Variants in CDC42BPA observed in about 807,000 individuals in gnomAD.
CDC42BPA encodes the protein serine/threonine-protein kinase MRCK alpha.
CDC42BPA carries 80 observed loss-of-function variants against 223.5 expected under a neutral mutation model. The observed-to-expected ratio is 0.36, with a 90% CI of 0.30 to 0.43. CDC42BPA has a LOEUF of 0.43. Ranked by LOEUF, CDC42BPA falls within the 20% of genes least tolerant of loss-of-function variation. CDC42BPA has a pLI of 1.00. For synonymous variants in CDC42BPA, 694 were observed against 718.6 expected, an observed-to-expected ratio of 0.97 and a Z score of 0.55; for missense variants, 1,743 against 2,099.9, an observed-to-expected ratio of 0.83 and a Z score of 3.32.
chr1:227,029,430 G>A (rs560045528), intron 29 of CDC42BPA, among the ~76,000 whole-genome samples, 180 bp from the exon 30 acceptor site: 4 of 152,252 alleles, frequency 2.6e-5, no homozygotes, highest in South Asian at 2.1e-4. Flanking sequence ...CCTATAGTAC[G>A]TATTAAATTT....
rs1250820541 is a variant in CDC42BPA, at chr1:227,073,880, T to C, written c.2719A>G (p.Asn907Asp). 6.3e-7 allele frequency: 1 copy of C among 1,599,534 alleles called. No individual in the cohort carries two copies. The part of the protein sequence containing the change: ...QEELNKVKAS[N>D]IITECKLKDS... ...CAATCTTACCATTCTGTTATGATATTAGATGCTTTAACTTTATTCAACTCT... is the reference window on the plus strand; with the variant it reads ...CAATCTTACCATTCTGTTATGATATCAGATGCTTTAACTTTATTCAACTCT... The change falls in exon 19 of 37, where the codon AAT becomes GAT. Residue 907 changes from asparagine (N) to aspartate (D), a missense_variant. By Grantham distance (23) the Asn-to-Asp change is conservative (BLOSUM62 1). This residue lies in a region of CDC42BPA where 678 missense variants were observed against 777.5 expected (regional missense o/e 0.87). Coordinates refer to ENST00000366766, the MANE Select transcript of CDC42BPA (RefSeq NM_001394014.1).
chr1:227,028,229 A>G (rs1435369317), intron 30 of CDC42BPA, among the ~76,000 whole-genome samples: 1 of 152,228 alleles, frequency 6.6e-6, no homozygotes, highest in Non-Finnish European at 1.5e-5. Flanking sequence ...GGAAAACTGA[A>G]AAAACACCTC....
chr1:227,171,532 A>C (rs996782164), intron 5 of CDC42BPA, among the ~76,000 whole-genome samples: 2 of 152,050 alleles, frequency 1.3e-5, no homozygotes, highest in African/African-American at 4.8e-5. Flanking sequence ...TCAGAGGATC[A>C]CCTGTGCCCA....
At chr1:227,302,487 A>T (rs66523880) in intron 1 of CDC42BPA, among the ~76,000 whole-genome samples, 1 of 151,898 alleles carries the variant, frequency 6.6e-6, no homozygotes, top group Admixed American at 6.6e-5. Flanking sequence ...AAGGCCAAAG[A>T]GTTTCTGATT....
intron 4 of CDC42BPA, among the ~76,000 whole-genome samples, chr1:227,194,202 CATT>C (rs1670281052): frequency 6.6e-6 from 1 of 152,136 alleles, no homozygotes; most frequent in Non-Finnish European, 1.5e-5. Flanking sequence ...CTAATATCAT[CATT>C]ATTATCATCT....
intron 3 of CDC42BPA, among the ~76,000 whole-genome samples, chr1:227,203,871 A>C (rs1422150465): frequency 6.6e-6 from 1 of 152,212 alleles, no homozygotes; most frequent in Admixed American, 6.5e-5. Flanking sequence ...TACATACATA[A>C]ATGGTAATTC....
rs760218770 is a variant in CDC42BPA at position 227,157,652 on chromosome 1, AT to A, written c.693+2890del. Among the ~76,000 whole-genome samples the A allele has an allele frequency of 2.0e-3, 306 of 151,086 alleles. 3 individuals carry two copies. Among genetic ancestry groups the A allele is most frequent in the African/African-American group, 7.2e-3 (298 of 41,234 alleles). On this transcript the variant is annotated intron_variant, in intron 6 of 36. Transcript: ENST00000366766. Reference sequence around the variant, plus strand: ...GGGAAGGTTGAGCCATTACGTACACATTTTTTTTTCCCCACATCTCACTCTC... The same window carrying A: ...GGGAAGGTTGAGCCATTACGTACACATTTTTTTTCCCCACATCTCACTCTC...
intron 1 of CDC42BPA, among the ~76,000 whole-genome samples, chr1:227,281,034 G>C (rs1687935480): frequency 6.6e-6 from 1 of 152,130 alleles, no homozygotes; most frequent in Non-Finnish European, 1.5e-5. Context: ...ACTGCACCAA[G>C]TCAGCTGTCT....
chr1:227,298,390 T>C (rs1691080862), intron 1 of CDC42BPA, among the ~76,000 whole-genome samples: 1 of 152,156 alleles, frequency 6.6e-6, no homozygotes, highest in Non-Finnish European at 1.5e-5. Context: ...GGTAAATAGT[T>C]TCTTTTACTT....
chr1:227,287,703 T>C (rs1572875204), intron 1 of CDC42BPA, among the ~76,000 whole-genome samples: 1 of 152,160 alleles, frequency 6.6e-6, no homozygotes, highest in South Asian at 2.1e-4. Flanking sequence ...GTGCCCAGGG[T>C]TTTTAATTGA....
chr1:227,067,608 C>T (rs1438198396), intron 21 of CDC42BPA, among the ~76,000 whole-genome samples: 2 of 151,986 alleles, frequency 1.3e-5, no homozygotes, highest in African/African-American at 4.8e-5. Context: ...TAGAGTTAAC[C>T]AGAGTAATTA....
chr1:227,105,783 C>A (rs1182100103), intron 14 of CDC42BPA, among the ~76,000 whole-genome samples: 2 of 152,156 alleles, frequency 1.3e-5, no homozygotes, highest in African/African-American at 2.4e-5. Flanking sequence ...TGACTTCATT[C>A]CTTTTCATAG....
chr1:227,098,672 A>G (rs1176877913), intron 15 of CDC42BPA, among the ~76,000 whole-genome samples: 1 of 151,822 alleles, frequency 6.6e-6, no homozygotes, highest in Non-Finnish European at 1.5e-5. Context: ...TTACCTTTAA[A>G]GATCATTAAA....
chr1:227,259,151 G>A (rs1156707497), intron 1 of CDC42BPA, among the ~76,000 whole-genome samples: 1 of 150,816 alleles, frequency 6.6e-6, no homozygotes, highest in Non-Finnish European at 1.5e-5. Flanking sequence ...CCCTTTTTCT[G>A]AAAATCTCCC....
At chr1:227,136,538 A>G (rs994120507) in intron 10 of CDC42BPA, among the ~76,000 whole-genome samples, 11 of 152,258 alleles carry the variant, frequency 7.2e-5, no homozygotes, top group African/African-American at 2.7e-4. Context: ...CAAAAGCTCA[A>G]TGAATCTCAA....
intron 12 of CDC42BPA, among the ~76,000 whole-genome samples, chr1:227,117,808 A>G (rs910001818): frequency 6.6e-6 from 1 of 152,130 alleles, no homozygotes; most frequent in African/African-American, 2.4e-5. Flanking sequence ...ACCTAAGAAC[A>G]CTTTTTAATA....
rs1462751091 is a variant in CDC42BPA at position 227,312,112 on chromosome 1, C to G, written c.178+4893G>C. Among the ~76,000 whole-genome samples, 5 of 152,294 alleles carry G rather than the reference C, an allele frequency of 3.3e-5. No individual in the cohort carries two copies. The East Asian group carries it at 9.6e-4, about 29-fold the overall frequency. ...AATGTTTTGCACAACAATACTTATT[C>G]CTTCTATATTTGATGTACTTTATAT... On this transcript the variant is annotated intron_variant, in intron 1 of 36. Transcript: ENST00000366766.
Position 227,080,907 on chromosome 1 carries a change from T to C in CDC42BPA, c.2466A>G (p.Thr822=). The C allele has an allele frequency of 6.2e-7, 1 of 1,613,728 alleles. No homozygotes were observed. Among genetic ancestry groups the C allele is most frequent in the Non-Finnish European group, 8.5e-7 (1 of 1,179,854 alleles). ...AGAGCACTCACCACTGAATTATTTCTGTGATTTGGGCTTCCCAATGTGCAA... is the reference window on the plus strand; with the variant it reads ...AGAGCACTCACCACTGAATTATTTCCGTGATTTGGGCTTCCCAATGTGCAA... The part of the protein sequence containing the change: ...ESVAHWEAQI[T]EIIQWVSDEK... Residue 822 remains threonine (T), a synonymous_variant, in exon 17 of 37, where the codon ACA becomes ACG. Transcript: ENST00000366766.
intron 5 of CDC42BPA, among the ~76,000 whole-genome samples, chr1:227,173,313 G>T (rs1666410709): frequency 6.6e-6 from 1 of 152,150 alleles, no homozygotes; most frequent in African/African-American, 2.4e-5. Flanking sequence ...TCTGTATAGT[G>T]AAGGCCTAAT....
Sources: allele counts gnomAD v4.1 joint callset (sites outside exome capture counted in the v4.1 genomes callset), GRCh38; gene constraint gnomAD v4.1.1; regional missense constraint gnomAD v4.1.1; transcripts MANE v1.5; gene names NCBI Gene and HGNC (gene_info 2026-07-23, HGNC 2026-07-21).